Variants in NAALADL2 observed in about 807,000 individuals in gnomAD.
NAALADL2 encodes the protein inactive N-acetylated-alpha-linked acidic dipeptidase-like protein 2.
Under a neutral mutation model 87.2 loss-of-function variants are expected in NAALADL2, and 76 were observed. The observed-to-expected ratio is 0.87, with a 90% CI of 0.72 to 1.05. NAALADL2 has a LOEUF of 1.05. Ranked by LOEUF, NAALADL2 falls within the 50% of genes least tolerant of loss-of-function variation. NAALADL2 has a pLI of 0.00. For synonymous variants in NAALADL2, 354 were observed against 331.0 expected (o/e 1.07, Z -0.75); for missense variants, 1,089 against 945.8 (o/e 1.15, Z -1.99).
At chr3:174,842,018 A>C (rs1724075582) in intron 3 of NAALADL2, among the ~76,000 whole-genome samples, 1 of 149,710 alleles carries the variant, frequency 6.7e-6, no homozygotes, top group South Asian at 2.1e-4. Context: ...TCTTCATTTT[A>C]TATTTCCATG....
chr3:174,780,335 A>T (rs1193156070), intron 3 of NAALADL2, among the ~76,000 whole-genome samples: 1 of 152,192 alleles, frequency 6.6e-6, no homozygotes, highest in Non-Finnish European at 1.5e-5. Context: ...TTGATTTTGT[A>T]TCCTGAAACT....
chr3:175,539,724 A>G (rs1711970029), intron 9 of NAALADL2, among the ~76,000 whole-genome samples: 1 of 152,128 alleles, frequency 6.6e-6, no homozygotes, highest in African/African-American at 2.4e-5. Context: ...CAGATTGTTC[A>G]TAGTGTTAGG....
At chr3:174,891,174 C>T (rs1455119192) in intron 1 of NAALADL2, among the ~76,000 whole-genome samples, 3 of 151,946 alleles carry the variant, frequency 2.0e-5, no homozygotes, top group Non-Finnish European at 2.9e-5. Flanking sequence ...GGGAAACATT[C>T]GCTTATGTTA....
chr3:175,603,206 G>A (rs998196473), intron 10 of NAALADL2, among the ~76,000 whole-genome samples: 2 of 152,058 alleles, frequency 1.3e-5, no homozygotes, highest in East Asian at 1.9e-4. Flanking sequence ...AGATTCAATC[G>A]AGGATCAGAT....
chr3:175,083,341 GTTCAGAATT>G (rs1457389256), intron 1 of NAALADL2, among the ~76,000 whole-genome samples: 3 of 152,156 alleles, frequency 2.0e-5, no homozygotes, highest in Non-Finnish European at 4.4e-5. Context: ...CATCTGCAGT[GTTCAGAATT>G]TGGGGTGTCT....
chr3:175,307,031 T>A (rs1031490976), intron 4 of NAALADL2, among the ~76,000 whole-genome samples: 11 of 152,206 alleles, frequency 7.2e-5, no homozygotes, highest in African/African-American at 2.4e-4. Flanking sequence ...GAAGATTTGC[T>A]CGCTCTTTGC....
At chr3:175,451,330 A>C (rs1321403230) in intron 6 of NAALADL2, among the ~76,000 whole-genome samples, 1 of 150,284 alleles carries the variant, frequency 6.7e-6, no homozygotes, top group Non-Finnish European at 1.5e-5. Flanking sequence ...GCGAGAACTA[A>C]AAAAAAAAGT....
At chr3:174,811,620 TGGAA>T (rs1180702726) in intron 3 of NAALADL2, among the ~76,000 whole-genome samples, 14 of 152,176 alleles carry the variant, frequency 9.2e-5, no homozygotes, top group African/African-American at 3.1e-4. Context: ...AGCTCATAGG[TGGAA>T]GGGACTAGGC....
At chr3:174,571,130 G>C (rs1714866307) in intron 2 of NAALADL2, among the ~76,000 whole-genome samples, 2 of 152,096 alleles carry the variant, frequency 1.3e-5, no homozygotes, top group African/African-American at 4.8e-5. Flanking sequence ...TCTCTGAATA[G>C]CAAGGAACTA....
chr3:175,321,035 A>C (rs1326169807), intron 4 of NAALADL2, among the ~76,000 whole-genome samples: 2 of 151,602 alleles, frequency 1.3e-5, no homozygotes, highest in African/African-American at 4.8e-5. Context: ...CACAACCAAA[A>C]AAGAGAATTT....
intron 3 of NAALADL2, among the ~76,000 whole-genome samples, chr3:174,805,214 C>T (rs749641698): frequency 3.9e-4 from 60 of 152,068 alleles, no homozygotes; most frequent in Admixed American, 5.9e-4. Context: ...TTGCTTCCTA[C>T]TTATTAACAA....
intron 5 of NAALADL2, among the ~76,000 whole-genome samples, chr3:175,365,941 A>G (rs543096111): frequency 2.8e-5 from 4 of 143,918 alleles, no homozygotes; most frequent in African/African-American, 7.5e-5. Flanking sequence ...ACATATGTAT[A>G]CATGTGCCAT....
chr3:175,655,228 C>T (rs1731296317), intron 11 of NAALADL2, among the ~76,000 whole-genome samples: 1 of 151,782 alleles, frequency 6.6e-6, no homozygotes, highest in South Asian at 2.1e-4. Context: ...ATTTGTGTAT[C>T]TTTGATGGTG....
intron 3 of NAALADL2, among the ~76,000 whole-genome samples, chr3:174,805,584 G>T (rs1719375061): frequency 6.6e-6 from 1 of 152,074 alleles, no homozygotes; most frequent in South Asian, 2.1e-4. Context: ...ATATAGATTA[G>T]CTTGATTCTA....
intron 2 of NAALADL2, among the ~76,000 whole-genome samples, chr3:175,154,233 A>C (rs1235163217): frequency 6.6e-6 from 1 of 152,158 alleles, no homozygotes; most frequent in Non-Finnish European, 1.5e-5. Flanking sequence ...ACTAGAAAAA[A>C]ATTCCATGAA....
chr3:175,422,451 C>T (rs997037953), intron 5 of NAALADL2, among the ~76,000 whole-genome samples: 7 of 152,024 alleles, frequency 4.6e-5, no homozygotes, highest in African/African-American at 1.7e-4. Flanking sequence ...TACAATATTC[C>T]TGTCCTTTAG....
intron 2 of NAALADL2, among the ~76,000 whole-genome samples, chr3:174,715,638 G>T (rs1731114193): frequency 6.6e-6 from 1 of 152,148 alleles, no homozygotes; most frequent in South Asian, 2.1e-4. Flanking sequence ...AAGAAATGCT[G>T]TTTATAATTC....
chr3:175,694,248 C>A (rs2050503915), intron 11 of NAALADL2, among the ~76,000 whole-genome samples: 1 of 152,094 alleles, frequency 6.6e-6, no homozygotes, highest in Non-Finnish European at 1.5e-5. Context: ...AAAACTTACA[C>A]AGCAGACATA....
rs33971019 is a variant in NAALADL2, at chr3:175,604,298, ATTTTTTTT to A, written c.1801-22977_1801-22970del. On this transcript the variant is annotated intron_variant, in intron 10 of 13. Coordinates refer to ENST00000454872, the MANE Select transcript of NAALADL2 (RefSeq NM_207015.3). ...TTTCTTTTTCTCATATGACATTGAAATTTTTTTTTTTTTTTTTTTTTTTGAGACAGAGT... is the reference window on the plus strand; with the variant it reads ...TTTCTTTTTCTCATATGACATTGAAATTTTTTTTTTTTTTTGAGACAGAGT... Among the ~76,000 whole-genome samples the A allele has an allele frequency of 4.8e-3, 402 of 83,566 alleles. 1 individual carries two copies. Among genetic ancestry groups the A allele is most frequent in the African/African-American group, 0.016 (377 of 22,968 alleles). 54.8% of individuals were successfully genotyped at this position (83,566 alleles called of 152,430 possible).
Sources: allele counts gnomAD v4.1 joint callset (sites outside exome capture counted in the v4.1 genomes callset), GRCh38; gene constraint gnomAD v4.1.1; transcripts MANE v1.5; gene names NCBI Gene and HGNC (gene_info 2026-07-23, HGNC 2026-07-21).